Variants in MEF2B observed in about 807,000 individuals in gnomAD.
MEF2B encodes myocyte-specific enhancer factor 2B.
A neutral mutation model predicts 32.2 loss-of-function variants in MEF2B; 15 were observed. The ratio of observed to expected loss-of-function variants is 0.47; its 90% confidence interval spans 0.31 to 0.72. The LOEUF is 0.72. Ranked by LOEUF, MEF2B falls within the 30% of genes least tolerant of loss-of-function variation. The pLI is 0.05. For missense variants in MEF2B, 441 were observed against 511.5 expected (o/e 0.86, Z 1.33); for synonymous variants, 205 against 225.6 (o/e 0.91, Z 0.82).
At position 19,146,600 on chromosome 19, in the gene MEF2B, C is replaced by A; in HGVS notation, c.724G>T (p.Gly242Ter). Residue 242 changes from glycine to a stop codon, truncating the protein, a stop_gained, in exon 7 of 9, where the codon GGA becomes TGA. Transcript: ENST00000424583. LOFTEE classifies it high-confidence loss of function. ...AAGGGGAAGCTCCCCAGTGGGGGTC[C>A]GGGAGTTGCAGTGGAGCAGGGGTTC... is the stretch of plus-strand genomic sequence containing the variant. ...LQNPCSTATPGPPLGSFPFLP... is the reference protein window; with the variant it reads ...LQNPCSTATP The A allele has an allele frequency of 6.2e-7, 1 of 1,606,102 alleles. No individual in the cohort carries two copies. Among genetic ancestry groups the A allele is most frequent in the Non-Finnish European group, 8.5e-7 (1 of 1,176,740 alleles).
Position 19,145,650 on chromosome 19 carries a change from G to C in MEF2B, c.*147C>G. The stretch of plus-strand genomic sequence containing the variant: ...GGAAAGGAGCCCCCCAGGGTGGATT[G>C]AGTCCAGCCGCCCACCTCCAAGCCC... On this transcript the variant is annotated 3_prime_UTR_variant, in exon 9 of 9. Transcript: ENST00000424583. This position sits in a 1 kb window ranked among gnomAD's most constrained non-coding sequence, Gnocchi z 4.6. 1.3e-6 allele frequency: 2 copies of C among 1,519,384 alleles called. No homozygotes were observed. Among genetic ancestry groups the C allele is most frequent in the Non-Finnish European group, 1.8e-6 (2 of 1,130,758 alleles). The allele number at this position is 1,519,384 out of a possible 1,614,324, so 94.1% of individuals were successfully genotyped here.
intron 4 of MEF2B, among the ~76,000 whole-genome samples, 183 bp downstream of exon 4, chr19:19,147,515 T>A (rs1337785746): frequency 6.6e-6 from 1 of 152,166 alleles, no homozygotes; most frequent in African/African-American, 2.4e-5. Context: ...CTCTTATTCA[T>A]CCTTCAAAGC....
At chr19:19,166,145 C>T (rs2060205754) in intron 1 of MEF2B, among the ~76,000 whole-genome samples, 1 of 152,122 alleles carries the variant, frequency 6.6e-6, no homozygotes, top group African/African-American at 2.4e-5. Context: ...ATGGTGAGAC[C>T]TCCAGATCCC....
At chr19:19,166,430 C>T (rs568823876) in intron 1 of MEF2B, among the ~76,000 whole-genome samples, 4 of 152,180 alleles carry the variant, frequency 2.6e-5, no homozygotes, top group African/African-American at 9.6e-5. Context: ...GTTCCCTGAC[C>T]CCAAAAGGGA....
chr19:19,155,814 T>A (rs1435021695), intron 1 of MEF2B, among the ~76,000 whole-genome samples: 1 of 152,154 alleles, frequency 6.6e-6, no homozygotes, highest in African/African-American at 2.4e-5. Flanking sequence ...CAGCACAGGC[T>A]GAATGTGCCA....
chr19:19,146,507 G>A, intron 7 of MEF2B, 48 bp downstream of exon 7: 1 of 1,476,968 alleles, frequency 6.8e-7, no homozygotes, highest in East Asian at 2.5e-5. Context: ...CCAGAGGGCA[G>A]GAGTGCGGAC....
intron 1 of MEF2B, among the ~76,000 whole-genome samples, chr19:19,159,771 T>C (rs1272918981): frequency 6.6e-6 from 1 of 152,058 alleles, no homozygotes; most frequent in Non-Finnish European, 1.5e-5. Context: ...CCATAGATTA[T>C]CATCTCCCCA....
intron 5 of MEF2B, 62 bp from the exon 6 acceptor site, chr19:19,146,937 A>C (rs1310837298): frequency 1.3e-6 from 2 of 1,576,180 alleles, no homozygotes; most frequent in Non-Finnish European, 1.7e-6. Context: ...ATGAAGTCTG[A>C]GGTTTAGAGG....
intron 1 of MEF2B, among the ~76,000 whole-genome samples, chr19:19,154,248 C>T (rs1443012118): frequency 6.6e-6 from 1 of 152,122 alleles, no homozygotes; most frequent in East Asian, 1.9e-4. Flanking sequence ...ACTGCAACCT[C>T]CACCTCCCAG....
At position 19,155,856 on chromosome 19, in the gene MEF2B, G is replaced by C. The variant is rs538419805; in HGVS notation, c.-29-5092C>G. ...AGGGGGGAAGCTGAGGTTTGGGGAG[G>C]CCTCTTCCGCACACACATACCCTCC... is the stretch of plus-strand genomic sequence containing the variant. On this transcript the variant is annotated intron_variant, in intron 1 of 8. Transcript: ENST00000424583. Among the ~76,000 whole-genome samples the C allele has an allele frequency of 4.6e-5, 7 of 152,320 alleles. No homozygotes were observed. In the South Asian group the frequency reaches 1.0e-3, roughly 23 times the overall value.
intron 1 of MEF2B, among the ~76,000 whole-genome samples, chr19:19,161,625 C>T (rs1234375160): frequency 1.3e-5 from 2 of 151,960 alleles, no homozygotes; most frequent in East Asian, 3.9e-4. Flanking sequence ...TCCCTAAACA[C>T]ATGGCCGTCC....
intron 1 of MEF2B, among the ~76,000 whole-genome samples, chr19:19,164,686 C>T (rs1157767513): frequency 6.6e-6 from 1 of 152,172 alleles, no homozygotes; most frequent in African/African-American, 2.4e-5. Context: ...TGATGGCGGG[C>T]GCCTGTAATC....
chr19:19,147,188 G>A lies in MEF2B; in HGVS notation c.394-5C>T, dbSNP rs780679967. On this transcript the variant is annotated splice_region_variant and splice_polypyrimidine_tract_variant and intron_variant, in intron 4 of 8. Transcript: ENST00000424583. ...GGGCATAGCAGGAGCTGCAGGCTGT[G>A]GGTAGAGAAGGGATGGGTCAGAGGA... 9 of 1,566,220 alleles carry A rather than the reference G, an allele frequency of 5.7e-6. No homozygotes were observed. The Admixed American group carries it at 1.8e-4, about 31-fold the overall frequency.
intron 1 of MEF2B, among the ~76,000 whole-genome samples, chr19:19,159,473 G>C (rs1476512018): frequency 6.6e-6 from 1 of 151,932 alleles, no homozygotes; most frequent in Non-Finnish European, 1.5e-5. Flanking sequence ...AGCAGTGTCT[G>C]TTCAGGCTAG....
At chr19:19,167,611 G>A (rs1055074774) in intron 1 of MEF2B, among the ~76,000 whole-genome samples, 3 of 152,146 alleles carry the variant, frequency 2.0e-5, no homozygotes, top group African/African-American at 7.2e-5. Context: ...CCAAGTTGGG[G>A]TGAGCAAATG....
At chr19:19,159,061 C>T (rs1279066143) in intron 1 of MEF2B, among the ~76,000 whole-genome samples, 1 of 151,438 alleles carries the variant, frequency 6.6e-6, no homozygotes, top group East Asian at 2.0e-4. Flanking sequence ...CTGCCTCAGC[C>T]TCCTGAGTAG....
intron 1 of MEF2B, among the ~76,000 whole-genome samples, chr19:19,158,925 AGACT>A (rs1400430557): frequency 6.6e-6 from 1 of 151,322 alleles, no homozygotes; most frequent in Non-Finnish European, 1.5e-5. Flanking sequence ...CAACATTGTG[AGACT>A]GACTCGAAAG....
intron 2 of MEF2B, among the ~76,000 whole-genome samples, chr19:19,150,200 G>A (rs1471781792): frequency 1.3e-4 from 18 of 142,692 alleles, no homozygotes; most frequent in Admixed American, 1.3e-3. Context: ...AGGAAGGAAG[G>A]AAGGAAGGAG....
At chr19:19,160,999 A>T (rs1280603234) in intron 1 of MEF2B, among the ~76,000 whole-genome samples, 2 of 152,106 alleles carry the variant, frequency 1.3e-5, no homozygotes, top group Non-Finnish European at 2.9e-5. Flanking sequence ...ACCTGCCCTC[A>T]GGGACTCAGG....
Sources: allele counts gnomAD v4.1 joint callset (sites outside exome capture counted in the v4.1 genomes callset), GRCh38; gene constraint gnomAD v4.1.1; non-coding constraint Gnocchi (gnomAD v3.1); transcripts MANE v1.5; gene names NCBI Gene and HGNC (gene_info 2026-07-23, HGNC 2026-07-21).